The following BSDC1 variants were observed in gnomAD, a reference collection of about 807,000 sequenced individuals.
BSDC1 encodes the protein BSD domain-containing protein 1.
BSDC1 carries 29 observed loss-of-function variants against 56.0 expected under a neutral mutation model. That is an observed-to-expected ratio of 0.52 (90% CI 0.39 to 0.71). The LOEUF is 0.71. BSDC1 is among the 30% of genes least tolerant of loss of function. The pLI is 0.00. For missense variants in BSDC1, 477 were observed against 548.5 expected, an observed-to-expected ratio of 0.87 and a Z score of 1.30; for synonymous variants, 210 against 215.3, an observed-to-expected ratio of 0.98 and a Z score of 0.21.
rs765632276 is a variant in BSDC1 at position 32,378,181 on chromosome 1, T to C, written c.597+34A>G. On this transcript the variant is annotated intron_variant, in intron 7 of 10. Transcript: ENST00000455895. The surrounding 1 kb of genome is among the most constrained non-coding windows in gnomAD (Gnocchi z 5.2). ...AAATCCAGCCTGCTTCCCCCAGGGTTGAGTGGGGACCTCCCCATGCTAGAC... is the reference window on the plus strand; with the variant it reads ...AAATCCAGCCTGCTTCCCCCAGGGTCGAGTGGGGACCTCCCCATGCTAGAC... 3.1e-6 allele frequency: 5 copies of C among 1,610,560 alleles called. No homozygotes were observed. In the Admixed American group the frequency reaches 6.7e-5, roughly 21 times the overall value.
chr1:32,371,542 C>G (rs1423410562), intron 9 of BSDC1, among the ~76,000 whole-genome samples: 1 of 152,080 alleles, frequency 6.6e-6, no homozygotes, highest in Admixed American at 6.6e-5. Context: ...GATCTCCTGA[C>G]CTCGTGATCT....
intron 8 of BSDC1, among the ~76,000 whole-genome samples, 162 bp downstream of exon 8, chr1:32,377,808 A>G (rs1642345904): frequency 6.6e-6 from 1 of 152,168 alleles, no homozygotes; most frequent in Non-Finnish European, 1.5e-5. Context: ...GCCTTGTTCA[A>G]TATCCCCTTG....
chr1:32,394,005 G>A, intron 2 of BSDC1, 75 bp downstream of exon 2: 1 of 1,480,952 alleles, frequency 6.8e-7, no homozygotes, highest in Non-Finnish European at 9.2e-7. Context: ...AAAGTTGGGC[G>A]GGGCTGGTTG....
rs1363917914 is a variant in BSDC1, at chr1:32,383,940, CT to C, written c.246del (p.Val84Ter). On this transcript the variant is annotated frameshift_variant, in exon 4 of 11. Coordinates refer to ENST00000455895, the MANE Select transcript of BSDC1 (RefSeq NM_018045.8). LOFTEE classifies it high-confidence loss of function. The stretch of plus-strand genomic sequence containing the variant: ...GGGGCAAAGGTGTCTGAGATCACCC[CT>C]AGGAAGTCAGATAACCCTTTCTTCA... ...EKMKKGLSDF[L>X]GVISDTFAPS... 1 of 1,612,770 alleles carries C rather than the reference CT, an allele frequency of 6.2e-7. No homozygotes were observed. Among genetic ancestry groups the C allele is most frequent in the Non-Finnish European group, 8.5e-7 (1 of 1,179,988 alleles).
chr1:32,383,340 A>G (rs933067813), intron 4 of BSDC1, among the ~76,000 whole-genome samples: 2 of 151,956 alleles, frequency 1.3e-5, no homozygotes, highest in African/African-American at 4.8e-5. Flanking sequence ...CCAGCTACTC[A>G]GGAGACTGAG....
intron 2 of BSDC1, 46 bp downstream of exon 2, chr1:32,394,034 C>A: frequency 6.3e-7 from 1 of 1,578,160 alleles, no homozygotes; most frequent in Non-Finnish European, 8.6e-7. Flanking sequence ...TGCATTGAGG[C>A]GGCGCAGGGC....
chr1:32,382,433 C>A (rs769625764), intron 4 of BSDC1, among the ~76,000 whole-genome samples: 2 of 151,218 alleles, frequency 1.3e-5, no homozygotes, highest in African/African-American at 4.9e-5. Context: ...CACTGCACTC[C>A]AGCCTGGGGG....
At chr1:32,392,711 T>C (rs921414519) in intron 2 of BSDC1, among the ~76,000 whole-genome samples, 1 of 152,146 alleles carries the variant, frequency 6.6e-6, no homozygotes, top group African/African-American at 2.4e-5. Context: ...CATTCTCAGA[T>C]TTGCTGGGCT....
At chr1:32,379,453 G>C (rs537487563) in intron 5 of BSDC1, among the ~76,000 whole-genome samples, 4 of 152,152 alleles carry the variant, frequency 2.6e-5, no homozygotes, top group Non-Finnish European at 4.4e-5. Flanking sequence ...CAGAGGTCCA[G>C]GTACCCCCGA....
intron 10 of BSDC1, chr1:32,368,049 A>C: frequency 8.9e-7 from 1 of 1,119,842 alleles, no homozygotes; most frequent in Non-Finnish European, 1.1e-6. Context: ...TTTTTTTTTC[A>C]AAAACAGAAA....
chr1:32,391,075 G>A (rs1053836553), intron 2 of BSDC1, among the ~76,000 whole-genome samples: 1 of 151,940 alleles, frequency 6.6e-6, no homozygotes, highest in South Asian at 2.1e-4. Context: ...CAGAGGAAGA[G>A]GAACTCATGA....
At chr1:32,368,746 T>C (rs746331143) in intron 9 of BSDC1, among the ~76,000 whole-genome samples, 196 bp from the exon 10 acceptor site, 6 of 152,242 alleles carry the variant, frequency 3.9e-5, no homozygotes, top group Non-Finnish European at 8.8e-5. Flanking sequence ...TCACCCAGGC[T>C]GGAGTGCAGT....
intron 2 of BSDC1, among the ~76,000 whole-genome samples, chr1:32,387,418 C>T (rs554308305): frequency 7.9e-5 from 12 of 151,946 alleles, no homozygotes; most frequent in East Asian, 3.9e-4. Context: ...CTCGGCTCAC[C>T]GCAACCTCCG....
At chr1:32,380,019 T>C (rs913763201) in intron 5 of BSDC1, among the ~76,000 whole-genome samples, 21 of 152,142 alleles carry the variant, frequency 1.4e-4, no homozygotes, top group African/African-American at 4.3e-4. Context: ...CTTCAAAGGG[T>C]CAAAGAATTC....
intron 9 of BSDC1, among the ~76,000 whole-genome samples, chr1:32,370,288 C>G (rs1018054993): frequency 1.3e-5 from 2 of 152,158 alleles, no homozygotes; most frequent in Non-Finnish European, 2.9e-5. Context: ...CTGGATTGTT[C>G]TTTTTCCCAT....
At chr1:32,383,454 T>TAAAAAAAA (rs1254003357) in intron 4 of BSDC1, among the ~76,000 whole-genome samples, 1 of 136,370 alleles carries the variant, frequency 7.3e-6, no homozygotes, top group African/African-American at 2.7e-5. Context: ...CCTGTCTCAT[T>TAAAAAAAA]AAAAAAAAAA....
rs1303988988 is a variant in BSDC1, at chr1:32,376,484, C to A, written c.934G>T (p.Ala312Ser). 2.5e-6 allele frequency: 4 copies of A among 1,611,090 alleles called. No individual in the cohort carries two copies. The highest frequency in any genetic ancestry group is 3.4e-6 in the Non-Finnish European group (4 of 1,177,848). ...GCCAGGCCCTGTTCCTCCAAGGATGCCTCTAGCAGCTTTTGGGACAGGTCC... is the reference window on the plus strand; with the variant it reads ...GCCAGGCCCTGTTCCTCCAAGGATGACTCTAGCAGCTTTTGGGACAGGTCC... Reference protein sequence around the residue: ...PKDLSQKLLEASLEEQGLAVD... With the variant: ...PKDLSQKLLESSLEEQGLAVD... Residue 312 changes from alanine to serine, a missense_variant, in exon 9 of 11, where the codon GCA (alanine) becomes TCA (serine). Transcript: ENST00000455895.
chr1:32,379,975 T>C (rs1642426278), intron 5 of BSDC1, among the ~76,000 whole-genome samples: 1 of 152,190 alleles, frequency 6.6e-6, no homozygotes. Flanking sequence ...TGGCTCTCTA[T>C]GGGAGGGCTT....
chr1:32,381,963 A>G (rs184335645), intron 4 of BSDC1, among the ~76,000 whole-genome samples: 3 of 152,328 alleles, frequency 2.0e-5, no homozygotes, highest in Non-Finnish European at 1.5e-5. Context: ...GCGGTGGCTC[A>G]CGCCTGTAAT....
Sources: gnomAD v4.1 joint callset for allele counts (sites outside exome capture counted in the v4.1 genomes callset) on GRCh38, gnomAD v4.1.1 for gene constraint, Gnocchi (gnomAD v3.1) non-coding constraint, MANE v1.5 for transcripts, NCBI Gene and HGNC (gene_info 2026-07-23, HGNC 2026-07-21) for gene names.